Variants in FSHR observed in about 807,000 individuals in gnomAD.
FSHR encodes follicle stimulating hormone receptor, also known as follicle-stimulating hormone receptor.
FSHR carries 46 observed loss-of-function variants against 52.1 expected under a neutral mutation model. That is an observed-to-expected ratio of 0.88 (90% CI 0.70 to 1.13). The LOEUF (loss-of-function observed/expected upper bound fraction) is 1.13. FSHR is among the 50% of genes most tolerant of loss of function. FSHR has a pLI of 0.00. For missense variants in FSHR, 964 were observed against 834.6 expected, an observed-to-expected ratio of 1.16 and a Z score of -1.91; for synonymous variants, 399 against 309.6, an observed-to-expected ratio of 1.29 and a Z score of -3.03.
chr2:49,090,017 T>C (rs1281485039), intron 1 of FSHR, among the ~76,000 whole-genome samples: 1 of 152,228 alleles, frequency 6.6e-6, no homozygotes, highest in Non-Finnish European at 1.5e-5. Context: ...AGCCCTATCA[T>C]GTACAGGCAT....
intron 2 of FSHR, among the ~76,000 whole-genome samples, chr2:49,067,040 G>T (rs1019975730): frequency 1.7e-4 from 26 of 152,080 alleles, no homozygotes; most frequent in Non-Finnish European, 1.5e-5. Context: ...AAACCCGGAA[G>T]ATTACAGGTC....
At chr2:49,099,418 G>A (rs866579074) in intron 1 of FSHR, among the ~76,000 whole-genome samples, 4 of 152,192 alleles carry the variant, frequency 2.6e-5, no homozygotes, top group African/African-American at 9.6e-5. Context: ...GGAACTGTAA[G>A]TCCATTAAAC....
At chr2:49,021,886 T>TAGAGAGAGAGAG (rs58926557) in intron 2 of FSHR, among the ~76,000 whole-genome samples, 19 of 25,108 alleles carry the variant, frequency 7.6e-4, no homozygotes, top group East Asian at 5.3e-3. Flanking sequence ...TATATATATA[T>TAGAGAGAGAGAG]AGAGAGAGAG....
At chr2:48,997,441 G>T (rs1922463) in intron 4 of FSHR, 601,494 of 952,996 alleles carry the variant, frequency 0.63, 193,261 homozygotes, top group Non-Finnish European at 0.66. Context: ...ATTCTGTTCG[G>T]ACCTAGCATC....
At chr2:49,053,088 C>T (rs1215835775) in intron 2 of FSHR, among the ~76,000 whole-genome samples, 2 of 152,128 alleles carry the variant, frequency 1.3e-5, no homozygotes, top group East Asian at 3.9e-4. Context: ...GACTAGTGTT[C>T]TCATTTCTAT....
At chr2:48,985,460 T>C (rs1437883482) in intron 6 of FSHR, among the ~76,000 whole-genome samples, 2 of 152,252 alleles carry the variant, frequency 1.3e-5, no homozygotes, top group African/African-American at 4.8e-5. Context: ...GACATTATTC[T>C]CCTGGCTGGC....
At chr2:49,093,480 T>G (rs1670692055) in intron 1 of FSHR, among the ~76,000 whole-genome samples, 1 of 152,222 alleles carries the variant, frequency 6.6e-6, no homozygotes, top group Non-Finnish European at 1.5e-5. Context: ...GAAGTCTGTG[T>G]TATCTGATAT....
chr2:49,056,203 A>T (rs1467592818), intron 2 of FSHR, among the ~76,000 whole-genome samples: 2 of 151,912 alleles, frequency 1.3e-5, no homozygotes, highest in African/African-American at 4.8e-5. Flanking sequence ...GGTGAAATAG[A>T]TTTTTTTAAA....
chr2:49,069,756 C>T (rs1428087890), intron 1 of FSHR, among the ~76,000 whole-genome samples: 1 of 152,010 alleles, frequency 6.6e-6, no homozygotes, highest in African/African-American at 2.4e-5. Flanking sequence ...TTATTCTTTC[C>T]CCAGCCTTCT....
intron 2 of FSHR, among the ~76,000 whole-genome samples, chr2:49,061,621 A>AAT (rs200439873): frequency 7.1e-6 from 1 of 141,360 alleles, no homozygotes; most frequent in African/African-American, 2.6e-5. Flanking sequence ...TAGATATATA[A>AAT]AAATACATAT....
intron 1 of FSHR, among the ~76,000 whole-genome samples, chr2:49,135,403 C>T (rs1672455580): frequency 6.6e-6 from 1 of 151,746 alleles, no homozygotes. Flanking sequence ...AAACAGAAAA[C>T]ACTTTGAGAT....
chr2:49,071,958 T>C (rs919605979), intron 1 of FSHR, among the ~76,000 whole-genome samples: 2 of 151,944 alleles, frequency 1.3e-5, no homozygotes, highest in Non-Finnish European at 2.9e-5. Context: ...CTAGGTCACA[T>C]CTCCAACAAT....
intron 4 of FSHR, 149 bp from the exon 5 acceptor site, chr2:48,990,786 G>GT: frequency 1.5e-6 from 1 of 656,698 alleles, no homozygotes. Context: ...TTAGGCTCAT[G>GT]TTTTCTATTT....
At chr2:48,967,794 G>A (rs1033827441) in intron 9 of FSHR, among the ~76,000 whole-genome samples, 2 of 152,192 alleles carry the variant, frequency 1.3e-5, no homozygotes, top group African/African-American at 2.4e-5. Flanking sequence ...GTATGTTAAA[G>A]GTTGAATAAT....
intron 1 of FSHR, among the ~76,000 whole-genome samples, chr2:49,084,103 C>G (rs185093170): frequency 6.6e-6 from 1 of 152,034 alleles, no homozygotes; most frequent in African/African-American, 2.4e-5. Flanking sequence ...AAGTAAAGCT[C>G]TCCTCAGCAA....
At chr2:49,150,403 C>T (rs982216458) in intron 1 of FSHR, among the ~76,000 whole-genome samples, 1 of 152,072 alleles carries the variant, frequency 6.6e-6, no homozygotes, top group African/African-American at 2.4e-5. Context: ...ACTTGGTCCT[C>T]ACGAAAGCCC....
At chr2:49,092,951 C>A (rs940014019) in intron 1 of FSHR, among the ~76,000 whole-genome samples, 1 of 152,206 alleles carries the variant, frequency 6.6e-6, no homozygotes, top group Non-Finnish European at 1.5e-5. Context: ...CAGGCATGAG[C>A]CACCACACCC....
At chr2:49,147,116 C>A (rs767016712) in intron 1 of FSHR, among the ~76,000 whole-genome samples, 2 of 152,066 alleles carry the variant, frequency 1.3e-5, no homozygotes, top group Non-Finnish European at 2.9e-5. Flanking sequence ...CAGCCTATTT[C>A]ATACGAAAGA....
In FSHR at chr2:48,962,995, A is replaced by G; in HGVS notation, c.1826T>C (p.Ile609Thr). Residue 609 changes from isoleucine to threonine, a missense_variant, in exon 10 of 10, where the codon ATT becomes ACT. By Grantham distance (89) the Ile-to-Thr change is moderately conservative (BLOSUM62 -1). Transcript: ENST00000406846. ...GATGGGGTGAAACAGAACCAGCAGA[A>G]TCTTTGCTTTGGACACAGTGATGAG... ...VPLITVSKAKILLVLFHPINS... is the reference protein window; with the variant it reads ...VPLITVSKAKTLLVLFHPINS... 6.2e-7 allele frequency: 1 copy of G among 1,614,160 alleles called. No individual in the cohort carries two copies. Among genetic ancestry groups the G allele is most frequent in the Non-Finnish European group, 8.5e-7 (1 of 1,180,012 alleles).
Sources: allele counts gnomAD v4.1 joint callset (sites outside exome capture counted in the v4.1 genomes callset), GRCh38; gene constraint gnomAD v4.1.1; transcripts MANE v1.5; gene names NCBI Gene and HGNC (gene_info 2026-07-23, HGNC 2026-07-21).